XDH: variants seen among roughly 807,000 people sequenced by gnomAD.
XDH encodes the protein xanthine dehydrogenase/oxidase.
XDH carries 138 observed loss-of-function variants against 156.1 expected under a neutral mutation model. The ratio of observed to expected loss-of-function variants is 0.88; its 90% CI spans 0.77 to 1.02. XDH has a LOEUF of 1.02. Ranked by LOEUF, XDH falls within the 50% of genes least tolerant of loss-of-function variation. XDH has a pLI of 0.00. For synonymous variants in XDH, 669 were observed against 625.7 expected (o/e 1.07, Z -1.03); for missense variants, 1,849 against 1,684.9 (o/e 1.10, Z -1.71).
intron 1 of XDH, among the ~76,000 whole-genome samples, chr2:31,413,674 G>C (rs908568062): frequency 2.0e-5 from 3 of 152,128 alleles, no homozygotes; most frequent in Non-Finnish European, 4.4e-5. Context: ...AATATAGAAA[G>C]ACAAATAAAA....
chr2:31,391,286 T>C (rs545754485), intron 6 of XDH, among the ~76,000 whole-genome samples: 1 of 152,334 alleles, frequency 6.6e-6, no homozygotes, highest in Admixed American at 6.5e-5. Context: ...ACTGTATTTA[T>C]GTTGGTCTAT....
At chr2:31,398,850 G>A in intron 4 of XDH, 151 bp from the exon 5 acceptor site, 1 of 1,308,802 alleles carries the variant, frequency 7.6e-7, no homozygotes, top group Non-Finnish European at 1.1e-6. Flanking sequence ...TACCAACTGT[G>A]ACCTTGGCCA....
In XDH at chr2:31,377,171, C is replaced by T. The variant is rs1344872094; in HGVS notation, c.1309G>A (p.Gly437Ser). 6.2e-6 allele frequency: 10 copies of T among 1,614,128 alleles called. No homozygotes were observed. The highest frequency in any genetic ancestry group is 7.6e-6 in the Non-Finnish European group (9 of 1,180,038). ...REDDIAKVTS[G>S]MRVLFKPGTT... Reference sequence around the variant, plus strand: ...CCTGGCTTGAATAAAACTCTCATGCCACTGGTTACCTTGGCAATGTCATCT... The same window carrying T: ...CCTGGCTTGAATAAAACTCTCATGCTACTGGTTACCTTGGCAATGTCATCT... Residue 437 changes from glycine to serine, a missense_variant, in exon 14 of 36, where the codon GGC becomes AGC. Gly to Ser is a moderately conservative substitution (Grantham distance 56, BLOSUM62 0). Coordinates refer to ENST00000379416, the MANE Select transcript of XDH (RefSeq NM_000379.4).
chr2:31,352,495 C>A (rs1255645833), intron 24 of XDH, among the ~76,000 whole-genome samples: 1 of 152,162 alleles, frequency 6.6e-6, no homozygotes. Flanking sequence ...CTTTTGCTTT[C>A]CCTAGTACTT....
intron 6 of XDH, 152 bp downstream of exon 6, chr2:31,397,516 A>C: frequency 1.0e-6 from 1 of 959,616 alleles, no homozygotes; most frequent in Non-Finnish European, 1.7e-6. Flanking sequence ...TCTACTCCCC[A>C]TGCCAGATGT....
At chr2:31,371,690 G>A (rs1209055866) in intron 17 of XDH, among the ~76,000 whole-genome samples, 1 of 152,008 alleles carries the variant, frequency 6.6e-6, no homozygotes. Flanking sequence ...TTGTTTTCAG[G>A]GACCTGGACA....
chr2:31,360,334 C>T (rs1241338001), intron 24 of XDH, among the ~76,000 whole-genome samples: 2 of 152,060 alleles, frequency 1.3e-5, no homozygotes, highest in Non-Finnish European at 2.9e-5. Context: ...CCCGTCTCTA[C>T]TAAAAATGCA....
chr2:31,365,649 C>G, intron 22 of XDH, 105 bp from the exon 23 acceptor site: 1 of 1,340,742 alleles, frequency 7.5e-7, no homozygotes. Flanking sequence ...TCCACCTGCA[C>G]GCTGAGCAGA....
chr2:31,373,841 CCT>C, intron 16 of XDH, 30 bp downstream of exon 16: 2 of 1,611,508 alleles, frequency 1.2e-6, no homozygotes, highest in Non-Finnish European at 1.7e-6. Context: ...TGCAAAGTCC[CCT>C]GATATTAGCC....
At chr2:31,368,902 G>A in intron 18 of XDH, among the ~76,000 whole-genome samples, 1 of 152,154 alleles carries the variant, frequency 6.6e-6, no homozygotes, top group Non-Finnish European at 1.5e-5. Context: ...CTATTGAGAA[G>A]CTGAACCAGA....
At chr2:31,377,692 C>T (rs78655018) in intron 13 of XDH, among the ~76,000 whole-genome samples, 3,351 of 152,200 alleles carry the variant, frequency 0.022, 143 homozygotes, top group African/African-American at 0.075. Flanking sequence ...AGTGCCCTCT[C>T]TAACCTGCCT....
At chr2:31,384,016 T>G (rs907041089) in intron 9 of XDH, 169 bp from the exon 10 acceptor site, 3 of 687,520 alleles carry the variant, frequency 4.4e-6, no homozygotes, top group Non-Finnish European at 5.2e-6. Flanking sequence ...AGACCAGGGG[T>G]GGGATTAGAT....
At chr2:31,377,331 G>C in intron 13 of XDH, 94 bp from the exon 14 acceptor site, 1 of 1,384,626 alleles carries the variant, frequency 7.2e-7, no homozygotes. Context: ...GTGAGGTGAG[G>C]GGATAACACC....
chr2:31,368,012 C>T lies in XDH; in HGVS notation c.2146G>A (p.Glu716Lys), dbSNP rs267599347. 9.3e-6 allele frequency: 15 copies of T among 1,614,046 alleles called. No homozygotes were observed. Among genetic ancestry groups the T allele is most frequent in the South Asian group, 8.8e-5 (8 of 91,080 alleles). Reference sequence around the variant, plus strand: ...AACCCCTTCTTTAGGTCCCCTTTCTCGATCTTCAGCTCAGGTCCATAAAAG... The same window carrying T: ...AACCCCTTCTTTAGGTCCCCTTTCTTGATCTTCAGCTCAGGTCCATAAAAG... ...NSFYGPELKI[E>K]KGDLKKGFSE... Residue 716 changes from glutamate (E) to lysine (K), a missense_variant, in exon 20 of 36, where the codon GAG (glutamate) becomes AAG (lysine). Coordinates refer to ENST00000379416, the MANE Select transcript of XDH (RefSeq NM_000379.4).
intron 1 of XDH, among the ~76,000 whole-genome samples, 179 bp downstream of exon 1, chr2:31,414,446 G>T (rs770872789): frequency 6.6e-6 from 1 of 151,620 alleles, no homozygotes; most frequent in Non-Finnish European, 1.5e-5. Flanking sequence ...CTCTAGCCCC[G>T]AGAAGGTCTT....
intron 33 of XDH, among the ~76,000 whole-genome samples, chr2:31,340,338 C>T (rs1685094081): frequency 6.6e-6 from 1 of 152,228 alleles, no homozygotes; most frequent in East Asian, 1.9e-4. Flanking sequence ...AACAGATTGA[C>T]TAATGGCCAG....
rs763026593 is a variant in XDH at position 31,401,235 on chromosome 2, C to A, written c.291G>T (p.Arg97Ser). 1.9e-6 allele frequency: 3 copies of A among 1,614,166 alleles called. No homozygotes were observed. In the East Asian group the frequency reaches 6.7e-5, roughly 36 times the overall value. ...CTCTGTTTACCTGCACAGGATGCAGCCTCGTCTTGGTGCTTCCTATTCCTT... is the reference window on the plus strand; with the variant it reads ...CTCTGTTTACCTGCACAGGATGCAGACTCGTCTTGGTGCTTCCTATTCCTT... ...TVEGIGSTKT[R>S]LHPVQERIAK... Residue 97 changes from arginine (R) to serine (S), a missense_variant, in exon 4 of 36, where the codon AGG becomes AGT. Coordinates refer to ENST00000379416, the MANE Select transcript of XDH (RefSeq NM_000379.4).
intron 12 of XDH, 86 bp downstream of exon 12, chr2:31,381,547 G>A: frequency 1.5e-6 from 2 of 1,365,808 alleles, no homozygotes; most frequent in Admixed American, 1.8e-5. Context: ...TGAACTTTGA[G>A]CTCTGTTTCT....
rs373428601 is a variant in XDH, at chr2:31,403,940, T to A, written c.101-796A>T. Reference sequence around the variant, plus strand: ...GGAGGGAACTGAGGATATAATCGCCTGGTCACTTCTCTCATTTTCAAGACA... The same window carrying A: ...GGAGGGAACTGAGGATATAATCGCCAGGTCACTTCTCTCATTTTCAAGACA... On this transcript the variant is annotated intron_variant, in intron 2 of 35. Coordinates refer to ENST00000379416, the MANE Select transcript of XDH (RefSeq NM_000379.4). 2.6e-5 allele frequency among the ~76,000 whole-genome samples: 4 copies of A among 152,120 alleles called. No homozygotes were observed. The East Asian group carries it at 5.8e-4, about 22-fold the overall frequency.
Sources: gnomAD v4.1 joint callset for allele counts (sites outside exome capture counted in the v4.1 genomes callset) on GRCh38, gnomAD v4.1.1 for gene constraint, MANE v1.5 for transcripts, NCBI Gene and HGNC (gene_info 2026-07-23, HGNC 2026-07-21) for gene names.